The following ZFP2 variants were observed in gnomAD, a reference collection of about 807,000 sequenced individuals.
The protein encoded by ZFP2 is zinc finger protein ZFP2.
A neutral mutation model predicts 36.1 loss-of-function variants in ZFP2; 33 were observed. The ratio of observed to expected loss-of-function variants is 0.92; its 90% confidence interval spans 0.69 to 1.22. The LOEUF (loss-of-function observed/expected upper bound fraction) is 1.22. Among genes scored for constraint, ZFP2 ranks in the 50% most tolerant of loss-of-function variants. The probability of loss-of-function intolerance (pLI) is 0.00; values close to 1 mark genes in which losing one functional copy is unlikely to be tolerated. For missense variants in ZFP2, 522 were observed against 551.4 expected, an observed-to-expected ratio of 0.95 and a Z score of 0.53; for synonymous variants, 170 against 178.0, an observed-to-expected ratio of 0.96 and a Z score of 0.36.
intron 4 of ZFP2, among the ~76,000 whole-genome samples, chr5:178,919,739 CA>C (rs1365475651): frequency 6.6e-6 from 1 of 152,102 alleles, no homozygotes; most frequent in African/African-American, 2.4e-5. Flanking sequence ...GCAGGTGGAT[CA>C]CTTGAGGCCA....
rs577820949 is a variant in ZFP2 at position 178,932,731 on chromosome 5, T to G, written c.*32T>G. 4.5e-6 allele frequency: 7 copies of G among 1,541,820 alleles called. No homozygotes were observed. Among genetic ancestry groups the G allele is most frequent in the South Asian group, 2.6e-5 (2 of 77,528 alleles). ...TTTTCACTGGCCCTTACCTCATGAT[T>G]AACTCTTCAGTAATAATCATATGAG... On this transcript the variant is annotated 3_prime_UTR_variant, in exon 5 of 5. Coordinates refer to ENST00000361362, the MANE Select transcript of ZFP2 (RefSeq NM_030613.4).
At chr5:178,911,526 A>G (rs1758298855) in intron 1 of ZFP2, among the ~76,000 whole-genome samples, 1 of 152,164 alleles carries the variant, frequency 6.6e-6, no homozygotes, top group Non-Finnish European at 1.5e-5. Flanking sequence ...AAAGACTTTT[A>G]TGATGATCCA....
chr5:178,924,327 C>G (rs1257774740), intron 4 of ZFP2, among the ~76,000 whole-genome samples: 1 of 141,466 alleles, frequency 7.1e-6, no homozygotes. Context: ...GAGCCGAGAT[C>G]GCTCCACTGC....
At chr5:178,929,919 T>G (rs1758779828) in intron 4 of ZFP2, among the ~76,000 whole-genome samples, 1 of 142,062 alleles carries the variant, frequency 7.0e-6, no homozygotes, top group Admixed American at 7.6e-5. Flanking sequence ...ACAAGAGGCA[T>G]AGTGCCAGCA....
At chr5:178,905,752 T>C (rs1205109643) in intron 1 of ZFP2, among the ~76,000 whole-genome samples, 2 of 151,996 alleles carry the variant, frequency 1.3e-5, no homozygotes, top group East Asian at 1.9e-4. Context: ...TTTTTTTTTT[T>C]CTTTTTTCTT....
At chr5:178,925,986 A>T (rs1391133268) in intron 4 of ZFP2, among the ~76,000 whole-genome samples, 1 of 148,808 alleles carries the variant, frequency 6.7e-6, no homozygotes, top group South Asian at 2.1e-4. Flanking sequence ...AGCTGAGACC[A>T]CATGTGTGCG....
Position 178,916,723 on chromosome 5 carries a change from A to G in ZFP2, c.-78+13A>G. 1.0e-6 allele frequency: 1 copy of G among 985,352 alleles called. No homozygotes were observed. The highest frequency in any genetic ancestry group is 1.2e-6 in the Non-Finnish European group (1 of 829,884). The allele number at this position is 985,352 out of a possible 1,614,324, so 61.0% of individuals were successfully genotyped here. ...AAAACATCTATAGGTAAGTACTGGT[A>G]CTCCTCTTACGGTGGAAGACATTGG... is the stretch of plus-strand genomic sequence containing the variant. On this transcript the variant is annotated intron_variant, in intron 4 of 4. Coordinates refer to ENST00000361362, the MANE Select transcript of ZFP2 (RefSeq NM_030613.4).
chr5:178,909,062 G>A (rs1033407542), intron 1 of ZFP2, among the ~76,000 whole-genome samples: 4 of 150,304 alleles, frequency 2.7e-5, no homozygotes, highest in South Asian at 2.1e-4. Flanking sequence ...GGCTCAGGGC[G>A]TAAAACCCCT....
intron 1 of ZFP2, among the ~76,000 whole-genome samples, chr5:178,908,990 C>T (rs1758231169): frequency 6.6e-6 from 1 of 150,750 alleles, no homozygotes; most frequent in Admixed American, 6.6e-5. Context: ...TGGAAGGCTG[C>T]CCTGCCGCAC....
At chr5:178,930,314 C>CTTTTTTTTTTTTTTTTTTTTTTTTTTTT (rs990713790) in intron 4 of ZFP2, among the ~76,000 whole-genome samples, 5 of 71,324 alleles carry the variant, frequency 7.0e-5, no homozygotes, top group Non-Finnish European at 9.8e-5. Context: ...TTTCCCTTTC[C>CTTTTTTTTTTTTTTTTTTTTTTTTTTTT]TTTTTTTTTT....
intron 3 of ZFP2, among the ~76,000 whole-genome samples, chr5:178,913,508 A>G (rs534802463): frequency 3.3e-5 from 5 of 152,308 alleles, no homozygotes; most frequent in African/African-American, 1.2e-4. Flanking sequence ...TCTCCTTCAA[A>G]GGAAACTAAC....
intron 1 of ZFP2, chr5:178,910,533 T>C (rs1339403278): frequency 3.6e-6 from 2 of 550,864 alleles, no homozygotes; most frequent in Non-Finnish European, 6.8e-6. Context: ...GACTTCTTGC[T>C]GGGGTCATGG....
In ZFP2 at chr5:178,932,677, G is replaced by T; in HGVS notation, c.1364G>T (p.Arg455Leu). ...KAFSRSTNLTRHQRTHT is the reference protein window; with the variant it reads ...KAFSRSTNLTLHQRTHT ...TTCAGCCGGAGTACAAACCTTACAC[G>T]ACATCAAAGAACTCATACGTGAGGA... Residue 455 changes from arginine (R) to leucine (L), a missense_variant, in exon 5 of 5, where the codon CGA (arginine) becomes CTA (leucine). Arg to Leu is a moderately radical substitution (Grantham distance 102). Transcript: ENST00000361362. 1 of 1,603,160 alleles carries T rather than the reference G, an allele frequency of 6.2e-7. No homozygotes were observed. The highest frequency in any genetic ancestry group is 1.1e-5 in the South Asian group (1 of 89,274).
intron 1 of ZFP2, among the ~76,000 whole-genome samples, chr5:178,903,038 T>C (rs960396994): frequency 5.3e-5 from 8 of 152,224 alleles, no homozygotes; most frequent in Non-Finnish European, 1.2e-4. Context: ...TTGTCACTTT[T>C]GTTGCTGCTT....
intron 4 of ZFP2, chr5:178,922,700 A>G (rs1352460842): frequency 5.1e-6 from 8 of 1,582,540 alleles, no homozygotes; most frequent in Non-Finnish European, 6.9e-6. Context: ...ATAGAAAGCA[A>G]CTTACATACA....
chr5:178,916,807 TTTTAC>T, intron 4 of ZFP2, 97 bp downstream of exon 4: 1 of 905,258 alleles, frequency 1.1e-6, no homozygotes. Context: ...TTTGTTGGTT[TTTTAC>T]TTTGAGTTTA....
At position 178,931,457 on chromosome 5, in the gene ZFP2, T is replaced by C; in HGVS notation, c.144T>C (p.Gly48=). ...ETFTEMRVCG[G]NEFERCSSQD... ...TCACTGAGATGAGAGTATGTGGAGG[T>C]AATGAATTTGAAAGATGTTCCAGTC... The change falls in exon 5 of 5, where the codon GGT becomes GGC. Residue 48 remains glycine (G), a synonymous_variant. Transcript: ENST00000361362. 1 of 1,614,060 alleles carries C rather than the reference T, an allele frequency of 6.2e-7. No homozygotes were observed. Among genetic ancestry groups the C allele is most frequent in the Non-Finnish European group, 8.5e-7 (1 of 1,180,008 alleles).
chr5:178,911,945 G>C (rs1018287781), intron 1 of ZFP2, among the ~76,000 whole-genome samples: 42 of 152,092 alleles, frequency 2.8e-4, no homozygotes, highest in African/African-American at 8.5e-4. Context: ...AGACCAGCCT[G>C]ACCAACATGG....
chr5:178,929,344 C>T lies in ZFP2; in HGVS notation c.-77-1893C>T, dbSNP rs562726376. Among the ~76,000 whole-genome samples, 32 of 150,470 alleles carry T rather than the reference C, an allele frequency of 2.1e-4. 1 individual carries two copies. The South Asian group carries it at 6.6e-3, about 31-fold the overall frequency. On this transcript the variant is annotated intron_variant, in intron 4 of 4. Coordinates refer to ENST00000361362, the MANE Select transcript of ZFP2 (RefSeq NM_030613.4). ...CAGGCTGCAAATGTTCCACTTACTCCCTTTTAAATACCAGTTCCAGTTTTA... is the reference window on the plus strand; with the variant it reads ...CAGGCTGCAAATGTTCCACTTACTCTCTTTTAAATACCAGTTCCAGTTTTA...
Sources: allele counts gnomAD v4.1 joint callset (sites outside exome capture counted in the v4.1 genomes callset), GRCh38; gene constraint gnomAD v4.1.1; transcripts MANE v1.5; gene names NCBI Gene and HGNC (gene_info 2026-07-23, HGNC 2026-07-21).